CD99: variants seen among roughly 807,000 people sequenced by gnomAD.
The protein encoded by CD99 is CD99 molecule (Xg blood group), also known as CD99 antigen.
CD99 carries 19 observed loss-of-function variants against 28.4 expected under a neutral mutation model. That is an observed-to-expected ratio of 0.67 (90% CI 0.47 to 0.98). The LOEUF is 0.98. Among genes scored for constraint, CD99 ranks in the 50% least tolerant of loss-of-function variants. The pLI, the probability that CD99 is intolerant of heterozygous loss-of-function variation, is 0.00. For missense variants in CD99, 283 were observed against 248.8 expected, an observed-to-expected ratio of 1.14 and a Z score of -0.92; for synonymous variants, 103 against 92.1, an observed-to-expected ratio of 1.12 and a Z score of -0.67.
Position 2,717,606 on chromosome X carries a change from C to A in CD99, c.102C>A (p.Asp34Glu). The change falls in exon 3 of 10, where the codon GAC (aspartate) becomes GAA (glutamate). Residue 34 changes from aspartate (D) to glutamate (E), a missense_variant and splice_region_variant. By Grantham distance (45) the Asp-to-Glu change is conservative. Coordinates refer to ENST00000381192, the MANE Select transcript of CD99 (RefSeq NM_002414.5). ...AACTGAAATATCTTATCTCTTTAGA[C>A]AATGAAAACAAGAAACCCACTGCAA... ...GGFDLSDALP[D>E]NENKKPTAIP... The A allele has an allele frequency of 6.2e-7, 1 of 1,612,938 alleles. No individual in the cohort carries two copies. Among genetic ancestry groups the A allele is most frequent in the Non-Finnish European group, 8.5e-7 (1 of 1,178,970 alleles).
intron 1 of CD99, among the ~76,000 whole-genome samples, chrX:2,708,102 TACACCTGGGGGACTGCCTTCCTCACAC>T (rs1183894530): frequency 0.026 from 3,942 of 151,964 alleles, 88 homozygotes; most frequent in African/African-American, 0.059. Flanking sequence ...TCCATTTATA[TACACCTGGGGGACTGCCTTCCTCACAC>T]ACACCTGGGG....
At position 2,724,987 on chromosome X, in the gene CD99, G is replaced by A. The variant is rs993878428; in HGVS notation, c.362-1273G>A. ...TGAGGCAGGAGAATAGCTTGAACCC[G>A]GGACGCAGAGGTTGCAGTGAGCCGA... On this transcript the variant is annotated intron_variant, in intron 7 of 9. Coordinates refer to ENST00000381192, the MANE Select transcript of CD99 (RefSeq NM_002414.5). 5.9e-5 allele frequency among the ~76,000 whole-genome samples: 9 copies of A among 151,372 alleles called. No individual in the cohort carries two copies. In the South Asian group the frequency reaches 1.0e-3, roughly 18 times the overall value.
chrX:2,711,052 T>C (rs199531582), intron 1 of CD99, among the ~76,000 whole-genome samples: 1 of 150,496 alleles, frequency 6.6e-6, no homozygotes, highest in South Asian at 2.1e-4. Flanking sequence ...TTTGTATTTA[T>C]AGTAGAGACG....
At chrX:2,737,313 G>A (rs901939195) in intron 8 of CD99, among the ~76,000 whole-genome samples, 1 of 151,354 alleles carries the variant, frequency 6.6e-6, no homozygotes, top group African/African-American at 2.4e-5. Flanking sequence ...AAGTAGCGGG[G>A]ACTACAGGTG....
intron 1 of CD99, chrX:2,692,124 T>A (rs1377982212): frequency 1.7e-6 from 1 of 592,098 alleles, no homozygotes. Flanking sequence ...ACGGTCACCC[T>A]CCCACGCCCT....
intron 8 of CD99, chrX:2,733,418 T>C: frequency 6.4e-7 from 1 of 1,566,358 alleles, no homozygotes. Context: ...GTCCTGACCG[T>C]AATCGTTTTA....
intron 8 of CD99, among the ~76,000 whole-genome samples, chrX:2,734,952 G>A (rs990798285): frequency 1.3e-5 from 2 of 152,090 alleles, no homozygotes; most frequent in African/African-American, 4.8e-5. Context: ...TGTATGGTGT[G>A]AGGGCACAAA....
At chrX:2,730,830 C>G (rs312195) in intron 8 of CD99, among the ~76,000 whole-genome samples, 20,384 of 150,422 alleles carry the variant, frequency 0.14, 1,873 homozygotes, top group Non-Finnish European at 0.21. Context: ...ACTTGGGAGG[C>G]TGAGGCAGGG....
chrX:2,709,335 A>G (rs894197098), intron 1 of CD99, among the ~76,000 whole-genome samples: 2 of 144,300 alleles, frequency 1.4e-5, no homozygotes, highest in Admixed American at 6.9e-5. Flanking sequence ...GTGCACATGC[A>G]CACCCATATA....
intron 2 of CD99, among the ~76,000 whole-genome samples, chrX:2,716,941 T>C (rs913393240): frequency 6.6e-6 from 1 of 152,180 alleles, no homozygotes; most frequent in African/African-American, 2.4e-5. Flanking sequence ...ATCCGGTGTC[T>C]CTCCTTCTCA....
intron 3 of CD99, among the ~76,000 whole-genome samples, chrX:2,718,537 T>G (rs1382837637): frequency 6.6e-6 from 1 of 151,710 alleles, no homozygotes; most frequent in African/African-American, 2.4e-5. Context: ...CCCAGCTAAT[T>G]TTTTTGTATT....
chrX:2,696,628 C>G (rs1441247638), intron 1 of CD99, among the ~76,000 whole-genome samples: 1 of 152,114 alleles, frequency 6.6e-6, no homozygotes, highest in African/African-American at 2.4e-5. Context: ...GTTTCGAACT[C>G]CTGACCTCAG....
At chrX:2,726,498 G>A (rs1280750950) in intron 8 of CD99, 125 bp downstream of exon 8, 2 of 725,432 alleles carry the variant, frequency 2.8e-6, no homozygotes, top group East Asian at 2.6e-5. Context: ...GATGGTTCGT[G>A]AAACTGCTAA....
intron 8 of CD99, among the ~76,000 whole-genome samples, chrX:2,731,423 C>G (rs1417108990): frequency 2.0e-5 from 3 of 152,080 alleles, no homozygotes; most frequent in African/African-American, 4.8e-5. Context: ...AACCCTGGCT[C>G]TACTAAAAAT....
chrX:2,710,740 A>C (rs930167844), intron 1 of CD99, among the ~76,000 whole-genome samples: 1 of 152,134 alleles, frequency 6.6e-6, no homozygotes. Context: ...AGGCACTAAC[A>C]AAGGTAAGCC....
chrX:2,718,614 G>A (rs369884403), intron 3 of CD99, among the ~76,000 whole-genome samples: 33 of 151,964 alleles, frequency 2.2e-4, no homozygotes, highest in African/African-American at 6.5e-4. Context: ...TGTGATCCAC[G>A]CGCCTTGGCC....
intron 1 of CD99, among the ~76,000 whole-genome samples, chrX:2,700,047 A>G (rs5939302): frequency 0.043 from 6,557 of 152,204 alleles, 173 homozygotes; most frequent in African/African-American, 0.07. Context: ...AGCATGGGGA[A>G]AAATGCATGT....
chrX:2,707,064 T>A (rs1280561607), intron 1 of CD99, among the ~76,000 whole-genome samples: 1 of 152,170 alleles, frequency 6.6e-6, no homozygotes, highest in Non-Finnish European at 1.5e-5. Context: ...GCGCGGCGGC[T>A]CACATCTGTA....
intron 9 of CD99, among the ~76,000 whole-genome samples, chrX:2,739,807 G>A (rs955651116): frequency 6.6e-6 from 1 of 150,864 alleles, no homozygotes; most frequent in Non-Finnish European, 1.5e-5. Context: ...CAGACGCGGT[G>A]GCTAATGCCT....
Sources: gnomAD v4.1 joint callset for allele counts (sites outside exome capture counted in the v4.1 genomes callset) on GRCh38, gnomAD v4.1.1 for gene constraint, MANE v1.5 for transcripts, NCBI Gene and HGNC (gene_info 2026-07-23, HGNC 2026-07-21) for gene names.